The following LIN28B variants were observed in gnomAD, a reference collection of about 807,000 sequenced individuals.
The protein encoded by LIN28B is protein lin-28 homolog B.
A neutral mutation model predicts 21.9 loss-of-function variants in LIN28B; 5 were observed. That is an observed-to-expected ratio of 0.23 (90% confidence interval 0.12 to 0.48). The LOEUF (loss-of-function observed/expected upper bound fraction) is 0.48, where lower values mean the gene tolerates loss of function less well. Ranked by LOEUF, LIN28B falls within the 20% of genes least tolerant of loss-of-function variation. The pLI is 0.98. For synonymous variants in LIN28B, 109 were observed against 111.3 expected (o/e 0.98, Z 0.13); for missense variants, 245 against 310.5 (o/e 0.79, Z 1.58).
chr6:105,018,244 G>C (rs544401211), intron 2 of LIN28B, among the ~76,000 whole-genome samples: 2 of 152,236 alleles, frequency 1.3e-5, no homozygotes, highest in Admixed American at 1.3e-4. Flanking sequence ...CTGTGATTAT[G>C]CTACTGCACT....
chr6:105,013,173 G>A (rs1331909208), intron 2 of LIN28B, among the ~76,000 whole-genome samples: 4 of 151,822 alleles, frequency 2.6e-5, no homozygotes, highest in Admixed American at 2.6e-4. Context: ...CACCAAGCCC[G>A]GCTAATTTTG....
At chr6:104,969,478 A>G (rs1769930195) in intron 2 of LIN28B, among the ~76,000 whole-genome samples, 1 of 151,698 alleles carries the variant, frequency 6.6e-6, no homozygotes, top group Admixed American at 6.6e-5. Context: ...CCCACAAACA[A>G]CTCTTTATAT....
At chr6:104,989,970 C>T (rs901364678) in intron 2 of LIN28B, among the ~76,000 whole-genome samples, 3 of 152,090 alleles carry the variant, frequency 2.0e-5, no homozygotes, top group African/African-American at 7.2e-5. Context: ...TCATTTCCAT[C>T]GGAGACTACT....
chr6:105,016,175 C>G (rs1235758914), intron 2 of LIN28B, among the ~76,000 whole-genome samples: 2 of 151,894 alleles, frequency 1.3e-5, no homozygotes, highest in African/African-American at 4.8e-5. Context: ...TAAAAGCACC[C>G]ATTTCTTGTG....
At chr6:105,019,225 G>A (rs1177003848) in intron 2 of LIN28B, among the ~76,000 whole-genome samples, 3 of 152,196 alleles carry the variant, frequency 2.0e-5, no homozygotes, top group African/African-American at 7.2e-5. Flanking sequence ...TGGGATTACA[G>A]GCGTGAGCCA....
chr6:105,030,931 C>A (rs910719955), intron 3 of LIN28B, among the ~76,000 whole-genome samples: 11 of 151,864 alleles, frequency 7.2e-5, no homozygotes, highest in Admixed American at 7.2e-4. Flanking sequence ...CCTAATACTT[C>A]CTGTGATTAT....
intron 2 of LIN28B, among the ~76,000 whole-genome samples, chr6:104,991,835 AC>A (rs1226773207): frequency 6.6e-6 from 1 of 152,006 alleles, no homozygotes; most frequent in Admixed American, 6.6e-5. Flanking sequence ...ACACAGCGAA[AC>A]CCCGTCTCCA....
intron 3 of LIN28B, among the ~76,000 whole-genome samples, chr6:105,030,520 C>G (rs866724046): frequency 1.3e-5 from 2 of 151,156 alleles, no homozygotes; most frequent in Non-Finnish European, 2.9e-5. Context: ...TTTCCTATTG[C>G]TATTTTTTCT....
At chr6:105,052,212 A>T (rs1771921348) in intron 3 of LIN28B, among the ~76,000 whole-genome samples, 1 of 152,224 alleles carries the variant, frequency 6.6e-6, no homozygotes, top group Admixed American at 6.5e-5. Flanking sequence ...GTCCAAGATT[A>T]GGGCTGAGAA....
chr6:105,033,246 G>C (rs1331284558), intron 3 of LIN28B, among the ~76,000 whole-genome samples: 1 of 151,718 alleles, frequency 6.6e-6, no homozygotes, highest in East Asian at 1.9e-4. Flanking sequence ...TGTCATTTTT[G>C]GTTAAAAATT....
chr6:105,038,474 G>A (rs1477084973), intron 3 of LIN28B, among the ~76,000 whole-genome samples: 1 of 152,184 alleles, frequency 6.6e-6, no homozygotes, highest in Non-Finnish European at 1.5e-5. Context: ...CAGAGCACCA[G>A]AGAGAGAACA....
intron 2 of LIN28B, among the ~76,000 whole-genome samples, chr6:104,959,407 C>G (rs1216873267): frequency 2.0e-5 from 3 of 152,058 alleles, no homozygotes; most frequent in Non-Finnish European, 2.9e-5. Context: ...GTTGCATGTT[C>G]CTAGTAATAT....
chr6:105,036,089 T>C (rs1180891744), intron 3 of LIN28B, among the ~76,000 whole-genome samples: 1 of 152,220 alleles, frequency 6.6e-6, no homozygotes, highest in African/African-American at 2.4e-5. Context: ...CCCTTTAAAA[T>C]GTTCCTTATA....
At chr6:104,971,296 T>C (rs1263438784) in intron 2 of LIN28B, among the ~76,000 whole-genome samples, 1 of 152,128 alleles carries the variant, frequency 6.6e-6, no homozygotes, top group East Asian at 1.9e-4. Context: ...GTTTAAAATA[T>C]TTTATTTCAA....
At chr6:104,982,250 G>A (rs1484376594) in intron 2 of LIN28B, among the ~76,000 whole-genome samples, 1 of 151,316 alleles carries the variant, frequency 6.6e-6, no homozygotes, top group Non-Finnish European at 1.5e-5. Context: ...GGAGGCAGAG[G>A]TTGCGGTGAT....
intron 3 of LIN28B, among the ~76,000 whole-genome samples, chr6:105,066,418 G>A (rs1028867804): frequency 7.9e-5 from 12 of 152,040 alleles, no homozygotes; most frequent in Non-Finnish European, 1.5e-5. Context: ...TTAATCTAGC[G>A]CCCTTTTGCC....
At chr6:104,957,357 C>G in intron 1 of LIN28B, 97 bp downstream of exon 1, 1 of 693,576 alleles carries the variant, frequency 1.4e-6, no homozygotes, top group Non-Finnish European at 2.3e-6. Flanking sequence ...CCCCCCTTCC[C>G]CTTTTACCCC....
At chr6:105,017,836 G>T (rs1771059254) in intron 2 of LIN28B, among the ~76,000 whole-genome samples, 1 of 152,116 alleles carries the variant, frequency 6.6e-6, no homozygotes, top group African/African-American at 2.4e-5. Flanking sequence ...CTAAACCTCA[G>T]CGTCATGCAG....
rs748190508 is a variant in LIN28B, at chr6:104,958,293, C to CA, written c.198+10dup. 1.2e-5 allele frequency: 18 copies of CA among 1,536,914 alleles called. No homozygotes were observed. The South Asian group carries it at 2.0e-4, about 17-fold the overall frequency. On this transcript the variant is annotated splice_region_variant and intron_variant, in intron 2 of 3. Coordinates refer to ENST00000345080, the MANE Select transcript of LIN28B (RefSeq NM_001004317.4). ...CGATGTATTTGTACACCAAGTAAGCCAAACTTTTTTGTCCCCCTCTTCATC... is the reference window on the plus strand; with the variant it reads ...CGATGTATTTGTACACCAAGTAAGCCAAAACTTTTTTGTCCCCCTCTTCATC...
Sources: gnomAD v4.1 joint callset for allele counts (sites outside exome capture counted in the v4.1 genomes callset) on GRCh38, gnomAD v4.1.1 for gene constraint, MANE v1.5 for transcripts, NCBI Gene and HGNC (gene_info 2026-07-23, HGNC 2026-07-21) for gene names.